The following PGM1 variants were observed in gnomAD, a reference collection of about 807,000 sequenced individuals.
PGM1 encodes the protein phosphoglucomutase 1.
A neutral mutation model predicts 55.6 loss-of-function variants in PGM1; 52 were observed. The observed-to-expected ratio is 0.94, with a 90% CI of 0.75 to 1.18. The LOEUF is 1.18. Among genes scored for constraint, PGM1 ranks in the 50% most tolerant of loss-of-function variants. The pLI is 0.00. For synonymous variants in PGM1, 287 were observed against 271.7 expected, an observed-to-expected ratio of 1.06 and a Z score of -0.55; for missense variants, 724 against 729.3, an observed-to-expected ratio of 0.99 and a Z score of 0.08.
At chr1:63,650,267 A>G (rs1294717047) in intron 8 of PGM1, among the ~76,000 whole-genome samples, 1 of 152,212 alleles carries the variant, frequency 6.6e-6, no homozygotes, top group Non-Finnish European at 1.5e-5. Context: ...TCTGAGAGAT[A>G]GGGCAGCTGG....
intron 7 of PGM1, among the ~76,000 whole-genome samples, chr1:63,646,780 A>G (rs1009091564): frequency 1.3e-5 from 2 of 152,196 alleles, no homozygotes; most frequent in Non-Finnish European, 2.9e-5. Context: ...CTTCTTAAAA[A>G]TAACACCAGC....
chr1:63,608,856 G>A (rs1455376578), intron 1 of PGM1, among the ~76,000 whole-genome samples: 2 of 152,202 alleles, frequency 1.3e-5, no homozygotes, highest in East Asian at 1.9e-4. Context: ...TGTAGAAGTG[G>A]TATTCGAAAG....
intron 7 of PGM1, among the ~76,000 whole-genome samples, chr1:63,646,241 A>G (rs577841736): frequency 2.0e-5 from 3 of 152,326 alleles, no homozygotes; most frequent in Non-Finnish European, 2.9e-5. Flanking sequence ...ACATAGGATA[A>G]TGTGAGAGCA....
intron 7 of PGM1, among the ~76,000 whole-genome samples, chr1:63,642,712 C>T (rs907005693): frequency 1.3e-5 from 2 of 152,132 alleles, no homozygotes; most frequent in African/African-American, 4.8e-5. Context: ...GGTCTAGAGG[C>T]TAGCAATATT....
intron 3 of PGM1, 30 bp downstream of exon 3, chr1:63,630,118 ACTC>A: frequency 6.2e-7 from 1 of 1,609,762 alleles, no homozygotes; most frequent in Non-Finnish European, 8.5e-7. Context: ...CTTTCTGCCC[ACTC>A]CTATTTCCAA....
At chr1:63,647,278 A>G (rs78889723) in intron 7 of PGM1, among the ~76,000 whole-genome samples, 32 of 26,218 alleles carry the variant, frequency 1.2e-3, no homozygotes, top group African/African-American at 7.4e-3. Flanking sequence ...ATATATATAT[A>G]TATATATATA....
chr1:63,638,581 C>A, intron 6 of PGM1, 104 bp from the exon 7 acceptor site: 1 of 812,822 alleles, frequency 1.2e-6, no homozygotes, highest in Non-Finnish European at 2.2e-6. Context: ...CTGAGCAATG[C>A]TAAATGGGAC....
chr1:63,642,381 C>A (rs61103126), intron 7 of PGM1, among the ~76,000 whole-genome samples: 2,954 of 152,290 alleles, frequency 0.019, 104 homozygotes, highest in African/African-American at 0.068. Context: ...GTCAGCATTA[C>A]AAACACCAGG....
At position 63,651,724 on chromosome 1, in the gene PGM1, G is replaced by A. The variant is rs199918985; in HGVS notation, c.1336G>A (p.Glu446Lys). ...CGCAAACAAAATGATGAAGGACTTGGAGGCCCTGATGTTTGATCGCTCCTT... is the reference window on the plus strand; with the variant it reads ...CGCAAACAAAATGATGAAGGACTTGAAGGCCCTGATGTTTGATCGCTCCTT... Reference protein sequence around the residue: ...EGANKMMKDLEALMFDRSFVG... With the variant: ...EGANKMMKDLKALMFDRSFVG... The change falls in exon 9 of 11, where the codon GAG (glutamate) becomes AAG (lysine). Residue 446 changes from glutamate to lysine, a missense_variant. Around this residue, in one of 3 missense-constraint regions of PGM1, gnomAD observed 316 missense variants for 313.1 expected, o/e 1.01. Coordinates refer to ENST00000371084, the MANE Select transcript of PGM1 (RefSeq NM_002633.3). The A allele has an allele frequency of 1.5e-5, 25 of 1,613,850 alleles. No individual in the cohort carries two copies. In the East Asian group the frequency reaches 5.6e-4, roughly 36 times the overall value.
At chr1:63,634,380 GCA>G (rs1397130866) in intron 4 of PGM1, among the ~76,000 whole-genome samples, 1 of 152,112 alleles carries the variant, frequency 6.6e-6, no homozygotes, top group Non-Finnish European at 1.5e-5. Context: ...AGAGACTGAG[GCA>G]CAGAGAGTTT....
chr1:63,594,853 C>T (rs1296324805), intron 1 of PGM1, among the ~76,000 whole-genome samples: 1 of 144,846 alleles, frequency 6.9e-6, no homozygotes, highest in Non-Finnish European at 1.5e-5. Flanking sequence ...CTCAGCTACT[C>T]GGGAGGCTGA....
intron 1 of PGM1, among the ~76,000 whole-genome samples, chr1:63,620,879 A>G (rs1300904901): frequency 6.6e-6 from 1 of 152,214 alleles, no homozygotes; most frequent in Non-Finnish European, 1.5e-5. Flanking sequence ...ATTAGGCCAA[A>G]TTGGGTTCGC....
At chr1:63,648,125 A>G (rs55989946) in intron 7 of PGM1, among the ~76,000 whole-genome samples, 1 of 152,132 alleles carries the variant, frequency 6.6e-6, no homozygotes, top group Admixed American at 6.5e-5. Flanking sequence ...ATAAAGAACT[A>G]CCTGAGACTG....
chr1:63,600,023 T>A (rs1240015012), intron 1 of PGM1: 1 of 152,160 alleles, frequency 6.6e-6, no homozygotes, highest in Non-Finnish European at 1.5e-5. Context: ...AGAGAACATT[T>A]TGGATTGGGA....
intron 1 of PGM1, among the ~76,000 whole-genome samples, chr1:63,606,638 C>A (rs548782699): frequency 6.6e-6 from 1 of 152,322 alleles, no homozygotes; most frequent in Non-Finnish European, 1.5e-5. Flanking sequence ...CTAAGCCTAC[C>A]TCTAGCAGCA....
At chr1:63,623,308 C>T in intron 1 of PGM1, 1 of 1,466,508 alleles carries the variant, frequency 6.8e-7, no homozygotes, top group Non-Finnish European at 9.0e-7. Context: ...AAGGAATTAA[C>T]CAAGCTTTCT....
chr1:63,612,432 A>G (rs151010382), intron 1 of PGM1, among the ~76,000 whole-genome samples: 5 of 152,344 alleles, frequency 3.3e-5, no homozygotes, highest in Admixed American at 3.3e-4. Flanking sequence ...TCACTAAGTT[A>G]AATTATACAT....
intron 7 of PGM1, among the ~76,000 whole-genome samples, chr1:63,641,409 C>A: frequency 6.6e-6 from 1 of 152,200 alleles, no homozygotes; most frequent in East Asian, 1.9e-4. Context: ...TTTAACTGAA[C>A]TCCTGATCTT....
chr1:63,622,965 G>A (rs1648922232), intron 1 of PGM1: 1 of 153,898 alleles, frequency 6.5e-6, no homozygotes, highest in African/African-American at 2.4e-5. Context: ...GCCCAGAGAG[G>A]CTCTGGTTTA....
Sources: allele counts gnomAD v4.1 joint callset (sites outside exome capture counted in the v4.1 genomes callset), GRCh38; gene constraint gnomAD v4.1.1; regional missense constraint gnomAD v4.1.1; transcripts MANE v1.5; gene names NCBI Gene and HGNC (gene_info 2026-07-23, HGNC 2026-07-21).